Variants in DIP2C observed in about 807,000 individuals in gnomAD.
DIP2C encodes disco-interacting protein 2 homolog C.
In DIP2C, 33 loss-of-function variants were observed where a neutral mutation model predicts 192.4. That is an observed-to-expected ratio of 0.17 (90% CI 0.13 to 0.23). DIP2C has a LOEUF of 0.23. DIP2C is among the 10% of genes least tolerant of loss of function. The pLI is 1.00. For synonymous variants in DIP2C, 979 were observed against 864.1 expected (o/e 1.13, Z -2.33); for missense variants, 1,537 against 2,110.1 (o/e 0.73, Z 5.32).
At chr10:682,769 A>G (rs1254343123) in intron 1 of DIP2C, among the ~76,000 whole-genome samples, 7 of 151,698 alleles carry the variant, frequency 4.6e-5, no homozygotes, top group Non-Finnish European at 4.4e-5. Flanking sequence ...AATCGTGCCT[A>G]TAGATAAATA....
chr10:517,282 A>G (rs1042562190), intron 1 of DIP2C, among the ~76,000 whole-genome samples: 5 of 152,202 alleles, frequency 3.3e-5, no homozygotes, highest in Non-Finnish European at 5.9e-5. Context: ...GCCCAGAACA[A>G]AAGCACACTT....
At chr10:612,301 A>AAAT (rs1253376069) in intron 1 of DIP2C, among the ~76,000 whole-genome samples, 1 of 152,010 alleles carries the variant, frequency 6.6e-6, no homozygotes, top group African/African-American at 2.4e-5. Context: ...CAAAAAAAAA[A>AAAT]AATAAACCAA....
intron 1 of DIP2C, among the ~76,000 whole-genome samples, chr10:596,292 C>G (rs1449941351): frequency 6.6e-6 from 1 of 151,962 alleles, no homozygotes; most frequent in African/African-American, 2.4e-5. Flanking sequence ...GGTGCATCAC[C>G]TGAGATCAGG....
At chr10:451,116 A>G (rs938323440) in intron 3 of DIP2C, among the ~76,000 whole-genome samples, 9 of 152,208 alleles carry the variant, frequency 5.9e-5, no homozygotes, top group African/African-American at 2.2e-4. Flanking sequence ...TGGTGAAGCA[A>G]CAAACCCTCC....
intron 31 of DIP2C, among the ~76,000 whole-genome samples, chr10:316,658 G>C (rs987291778): frequency 6.6e-6 from 1 of 152,152 alleles, no homozygotes; most frequent in Non-Finnish European, 1.5e-5. Context: ...GGCCACCCTC[G>C]AGCGGGAGCC....
chr10:288,503 C>T (rs1264570152), intron 32 of DIP2C, 82 bp from the exon 33 acceptor site: 48 of 1,454,596 alleles, frequency 3.3e-5, no homozygotes, highest in Non-Finnish European at 4.4e-5. Flanking sequence ...GGTCACGAGC[C>T]TGGCAGCTGT....
intron 1 of DIP2C, among the ~76,000 whole-genome samples, chr10:582,575 C>T (rs936196441): frequency 2.6e-5 from 4 of 152,104 alleles, no homozygotes; most frequent in African/African-American, 9.7e-5. Flanking sequence ...AGAGCAAGAC[C>T]CTGTCTCAGA....
At chr10:552,635 G>A (rs1034758917) in intron 1 of DIP2C, among the ~76,000 whole-genome samples, 1 of 152,190 alleles carries the variant, frequency 6.6e-6, no homozygotes, top group Non-Finnish European at 1.5e-5. Flanking sequence ...CGGATCACGA[G>A]GTCAGGAGAT....
In DIP2C at chr10:574,000, CG is replaced by C. The variant is rs1322491213; in HGVS notation, c.86-87471del. Among the ~76,000 whole-genome samples the C allele has an allele frequency of 9.2e-5, 14 of 152,328 alleles. No homozygotes were observed. In the East Asian group the frequency reaches 2.5e-3, roughly 27 times the overall value. ...CGGTCCTCCCTGTCACTTTCCTCAA[CG>C]GGAACACTTTATTCTGTCTTCTACT... On this transcript the variant is annotated intron_variant, in intron 1 of 36. Coordinates refer to ENST00000280886, the MANE Select transcript of DIP2C (RefSeq NM_014974.3).
chr10:517,127 G>C (rs1370476637), intron 1 of DIP2C, among the ~76,000 whole-genome samples: 5 of 151,882 alleles, frequency 3.3e-5, no homozygotes, highest in African/African-American at 1.2e-4. Flanking sequence ...CATCCCACCA[G>C]CCTGCATGGC....
At position 400,523 on chromosome 10, in the gene DIP2C, A is replaced by G. The variant is rs59659849; in HGVS notation, c.1150-1304T>C. Reference sequence around the variant, plus strand: ...TCTTCCTTCTGGACAAGTTTGGTACATTTTCATCAGCACATGAATCCTGTG... The same window carrying G: ...TCTTCCTTCTGGACAAGTTTGGTACGTTTTCATCAGCACATGAATCCTGTG... On this transcript the variant is annotated intron_variant, in intron 9 of 36. Coordinates refer to ENST00000280886, the MANE Select transcript of DIP2C (RefSeq NM_014974.3). Among the ~76,000 whole-genome samples the G allele has an allele frequency of 6.7e-3, 1,005 of 150,700 alleles. 11 individuals are homozygous for G. The highest frequency in any genetic ancestry group is 0.023 in the African/African-American group (961 of 40,960).
At chr10:585,973 T>G (rs1588527518) in intron 1 of DIP2C, among the ~76,000 whole-genome samples, 1 of 152,126 alleles carries the variant, frequency 6.6e-6, no homozygotes, top group Non-Finnish European at 1.5e-5. Context: ...AATTTGGTAA[T>G]GACGCTTCTT....
chr10:660,555 G>C (rs1350849049), intron 1 of DIP2C, among the ~76,000 whole-genome samples: 1 of 152,256 alleles, frequency 6.6e-6, no homozygotes, highest in East Asian at 1.9e-4. Context: ...ATGTTGCAGT[G>C]AAGGAAACGA....
intron 2 of DIP2C, 97 bp downstream of exon 2, chr10:486,362 A>C: frequency 8.2e-7 from 1 of 1,213,708 alleles, no homozygotes; most frequent in South Asian, 1.6e-5. Context: ...CCTCCTGCCG[A>C]CTGGGAAGCA....
chr10:499,850 C>A lies in DIP2C; in HGVS notation c.86-13320G>T, dbSNP rs570419218. ...CTCTGAAATGTCTAGTTACCATCTG[C>A]CAAATTGTTGACTTTATCATAGAGC... On this transcript the variant is annotated intron_variant, in intron 1 of 36. Coordinates refer to ENST00000280886, the MANE Select transcript of DIP2C (RefSeq NM_014974.3). Among the ~76,000 whole-genome samples, 18 of 152,332 alleles carry A rather than the reference C, an allele frequency of 1.2e-4. 1 individual carries two copies. The South Asian group carries it at 2.1e-3, about 18-fold the overall frequency.
chr10:446,239 T>G (rs568196749), intron 3 of DIP2C, among the ~76,000 whole-genome samples: 8 of 152,186 alleles, frequency 5.3e-5, no homozygotes, highest in African/African-American at 1.9e-4. Context: ...CACAGTCCAC[T>G]GGGCATCTGT....
At chr10:488,753 C>A (rs983468512) in intron 1 of DIP2C, among the ~76,000 whole-genome samples, 3 of 152,186 alleles carry the variant, frequency 2.0e-5, no homozygotes, top group Non-Finnish European at 2.9e-5. Flanking sequence ...CTGTAGCTTG[C>A]GTGATGTCGT....
intron 2 of DIP2C, among the ~76,000 whole-genome samples, chr10:483,083 C>T (rs755124576): frequency 1.3e-5 from 2 of 152,360 alleles, no homozygotes; most frequent in South Asian, 2.1e-4. Flanking sequence ...CCCCGACAGA[C>T]GCTGCCCTCC....
At chr10:516,964 G>A (rs184753494) in intron 1 of DIP2C, among the ~76,000 whole-genome samples, 168 of 151,366 alleles carry the variant, frequency 1.1e-3, no homozygotes, top group African/African-American at 3.6e-3. Context: ...AGGCATCCGC[G>A]GCACTTCCCA....
Sources: allele counts gnomAD v4.1 joint callset (sites outside exome capture counted in the v4.1 genomes callset), GRCh38; gene constraint gnomAD v4.1.1; transcripts MANE v1.5; gene names NCBI Gene and HGNC (gene_info 2026-07-23, HGNC 2026-07-21).